The following SYPL1 variants were observed in gnomAD, a reference collection of about 807,000 sequenced individuals.
SYPL1 encodes the protein synaptophysin like 1, also known as synaptophysin-like protein 1.
In SYPL1, 6 loss-of-function variants were observed where a neutral mutation model predicts 23.7. The ratio of observed to expected loss-of-function variants is 0.25; its 90% confidence interval spans 0.14 to 0.50. The LOEUF (loss-of-function observed/expected upper bound fraction) is 0.50. SYPL1 is among the 20% of genes least tolerant of loss of function. The pLI is 0.98. For synonymous variants in SYPL1, 102 were observed against 104.5 expected (o/e 0.98, Z 0.15); for missense variants, 253 against 288.9 (o/e 0.88, Z 0.90).
intron 4 of SYPL1, 85 bp downstream of exon 4, chr7:106,092,863 AT>A (rs1839810314): frequency 8.7e-7 from 1 of 1,151,626 alleles, no homozygotes; most frequent in South Asian, 1.8e-5. Context: ...CCATCCAGAG[AT>A]TTACTGAAAG....
At chr7:106,110,341 A>T (rs1332817220) in intron 1 of SYPL1, among the ~76,000 whole-genome samples, 1 of 152,184 alleles carries the variant, frequency 6.6e-6, no homozygotes. Context: ...ACCAGTACCC[A>T]TCCTTCAAGT....
At chr7:106,099,007 T>G (rs1840170192) in intron 2 of SYPL1, 151 bp downstream of exon 2, 1 of 923,380 alleles carries the variant, frequency 1.1e-6, no homozygotes, top group Non-Finnish European at 1.6e-6. Context: ...CATGGGTCTG[T>G]GTACCACAGT....
intron 1 of SYPL1, 48 bp from the exon 2 acceptor site, chr7:106,099,330 A>G (rs1477455245): frequency 1.3e-6 from 2 of 1,576,718 alleles, no homozygotes; most frequent in Middle Eastern, 1.7e-4. Context: ...AAGATAAGCA[A>G]TACTACAACC....
Position 106,097,944 on chromosome 7 carries a change from G to A in SYPL1, c.195-47C>T. 7.3e-6 allele frequency: 11 copies of A among 1,501,654 alleles called. No homozygotes were observed. The highest frequency in any genetic ancestry group is 3.7e-5 in the South Asian group (3 of 81,734). The allele number at this position is 1,501,654 out of a possible 1,614,324, so 93.0% of individuals were successfully genotyped here. ...TTATTGGACTTTCCCAACAGAGACA[G>A]AAACATTTAAGCAAAACAATGAGTG... On this transcript the variant is annotated intron_variant, in intron 2 of 4. Coordinates refer to ENST00000455385, the MANE Select transcript of SYPL1 (RefSeq NM_182715.4). This position sits in a 1 kb window ranked among gnomAD's most constrained non-coding sequence, Gnocchi z 4.6.
chr7:106,104,131 G>A lies in SYPL1; in HGVS notation c.70-4849C>T, dbSNP rs1840466706. Among the ~76,000 whole-genome samples the A allele has an allele frequency of 2.6e-5, 4 of 152,084 alleles. No individual in the cohort carries two copies. The highest frequency in any genetic ancestry group is 4.8e-5 in the African/African-American group (2 of 41,392). On this transcript the variant is annotated intron_variant, in intron 1 of 4. Transcript: ENST00000455385. This position sits in a 1 kb window ranked among gnomAD's most constrained non-coding sequence, Gnocchi z 4.1. ...TGTCTCTGATTAGCTCATCTTTTAA[G>A]GCCCTACCCAATTCCCTGTGGTAGA...
In SYPL1 at chr7:106,112,297, C is replaced by CA. The variant is rs1242077934; in HGVS notation, c.-90dup. The stretch of plus-strand genomic sequence containing the variant: ...AGAGCAGCCCGGTGGCGAGGAAGGG[C>CA]AGGCGGGGCTGGCGCGCTGGCCGGG... On this transcript the variant is annotated 5_prime_UTR_variant, in exon 1 of 5. Coordinates refer to ENST00000455385, the MANE Select transcript of SYPL1 (RefSeq NM_182715.4). The CA allele has an allele frequency of 1.5e-6, 2 of 1,374,462 alleles. No homozygotes were observed. Among genetic ancestry groups the CA allele is most frequent in the Admixed American group, 2.3e-5 (1 of 43,692 alleles). 85.1% of individuals were successfully genotyped at this position (1,374,462 alleles called of 1,614,324 possible).
At chr7:106,112,333 G>T, upstream of SYPL1, 2 of 1,254,076 alleles carry the variant, frequency 1.6e-6, no homozygotes, top group African/African-American at 3.1e-5. Flanking sequence ...CTCGGAGGCG[G>T]GCCCGGGCGG....
chr7:106,107,306 ATGG>A (rs554094413), intron 1 of SYPL1, among the ~76,000 whole-genome samples: 88 of 152,316 alleles, frequency 5.8e-4, no homozygotes, highest in African/African-American at 2.1e-3. Context: ...ATTGTTTTTG[ATGG>A]TGGTATTTCA....
intron 1 of SYPL1, among the ~76,000 whole-genome samples, chr7:106,110,560 T>C (rs1417435272): frequency 6.6e-6 from 1 of 152,250 alleles, no homozygotes; most frequent in Admixed American, 6.5e-5. Context: ...TGGTATAAAA[T>C]AGTCAAATAT....
intron 1 of SYPL1, among the ~76,000 whole-genome samples, chr7:106,105,475 G>C (rs867763894): frequency 2.2e-4 from 33 of 148,734 alleles, no homozygotes; most frequent in African/African-American, 8.0e-4. Context: ...CAAGTATCCA[G>C]AGAAACAGTC....
chr7:106,092,656 T>C (rs973482037), intron 4 of SYPL1: 22 of 363,548 alleles, frequency 6.1e-5, no homozygotes, highest in East Asian at 2.0e-4. Flanking sequence ...CTGAGCGACA[T>C]AGCGAAACTC....
intron 2 of SYPL1, 127 bp downstream of exon 2, chr7:106,099,031 A>G (rs1840171496): frequency 7.7e-6 from 9 of 1,173,526 alleles, no homozygotes; most frequent in Admixed American, 2.4e-5. Context: ...GGAGGTAATG[A>G]TCACTTACAA....
At chr7:106,111,428 G>A (rs1790142179) in intron 1 of SYPL1, among the ~76,000 whole-genome samples, 1 of 152,150 alleles carries the variant, frequency 6.6e-6, no homozygotes, top group South Asian at 2.1e-4. Context: ...AGCGTTCTTT[G>A]ATGTTAATGA....
chr7:106,104,607 A>C lies in SYPL1; in HGVS notation c.70-5325T>G, dbSNP rs190250978. On this transcript the variant is annotated intron_variant, in intron 1 of 4. Transcript: ENST00000455385. This position sits in a 1 kb window ranked among gnomAD's most constrained non-coding sequence, Gnocchi z 4.1. ...CACTAAATAACTACTTAATTAAGGA[A>C]AAAATAATTTCCAATAACTTATAAA... Among the ~76,000 whole-genome samples the C allele has an allele frequency of 1.3e-5, 2 of 152,354 alleles. No homozygotes were observed. The highest frequency in any genetic ancestry group is 3.9e-4 in the East Asian group (2 of 5,192).
chr7:106,112,537 G>A, upstream of SYPL1: 1 of 1,510,204 alleles, frequency 6.6e-7, no homozygotes, highest in South Asian at 1.3e-5. Flanking sequence ...CATACTGCGT[G>A]CGCCGCGCCC....
In SYPL1 at chr7:106,095,349, C is replaced by CT. The variant is rs777606094; in HGVS notation, c.403-2213dup. Among the ~76,000 whole-genome samples, 4,685 of 144,532 alleles carry CT rather than the reference C, an allele frequency of 0.032. 232 individuals are homozygous for CT. The highest frequency in any genetic ancestry group is 0.11 in the African/African-American group (4,174 of 39,564). 94.8% of individuals were successfully genotyped at this position (144,532 alleles called of 152,430 possible). A position where few individuals can be genotyped will look rare whatever the true frequency, so the allele number is the denominator to read the frequency against. The stretch of plus-strand genomic sequence containing the variant: ...AAATTTTGGGTATCTCAAAAAAAAC[C>CT]TTTTTTTTTTTTTCCCCTGAGATGG... On this transcript the variant is annotated intron_variant, in intron 3 of 4. Coordinates refer to ENST00000455385, the MANE Select transcript of SYPL1 (RefSeq NM_182715.4). This position sits in a 1 kb window ranked among gnomAD's most constrained non-coding sequence, Gnocchi z 4.3.
intron 4 of SYPL1, among the ~76,000 whole-genome samples, 192 bp from the exon 5 acceptor site, chr7:106,092,131 T>A (rs1416938524): frequency 6.6e-6 from 1 of 152,244 alleles, no homozygotes; most frequent in Non-Finnish European, 1.5e-5. Context: ...TGTGGTTATA[T>A]AATGACTTAT....
At chr7:106,099,124 G>T in intron 2 of SYPL1, 34 bp downstream of exon 2, 1 of 1,582,690 alleles carries the variant, frequency 6.3e-7, no homozygotes, top group Non-Finnish European at 8.6e-7. Flanking sequence ...AAAGTAAAAA[G>T]AGTTGTGAAA....
chr7:106,092,070 T>A, intron 4 of SYPL1, 131 bp from the exon 5 acceptor site: 1 of 833,242 alleles, frequency 1.2e-6, no homozygotes, highest in Non-Finnish European at 1.8e-6. Context: ...ACTTAAAGTT[T>A]AATACTACAC....
Sources: gnomAD v4.1 joint callset for allele counts (sites outside exome capture counted in the v4.1 genomes callset) on GRCh38, gnomAD v4.1.1 for gene constraint, Gnocchi (gnomAD v3.1) non-coding constraint, MANE v1.5 for transcripts, NCBI Gene and HGNC (gene_info 2026-07-23, HGNC 2026-07-21) for gene names.